Variants in RPS6KA3 observed in about 807,000 individuals in gnomAD.
RPS6KA3 encodes ribosomal protein S6 kinase A3, also known as ribosomal protein S6 kinase alpha-3.
In RPS6KA3, 4 loss-of-function variants were observed where a neutral mutation model predicts 67.2. That is an observed-to-expected ratio of 0.06 (90% CI 0.03 to 0.14). RPS6KA3 has a LOEUF of 0.14. Ranked by LOEUF, RPS6KA3 falls within the 10% of genes least tolerant of loss-of-function variation. The pLI is 1.00. For missense variants in RPS6KA3, 204 were observed against 559.0 expected, an observed-to-expected ratio of 0.36 and a Z score of 6.40; for synonymous variants, 182 against 183.7, an observed-to-expected ratio of 0.99 and a Z score of 0.07.
At position 20,175,202 on chromosome X, in the gene RPS6KA3, G is replaced by C. The variant is rs766835360; in HGVS notation, c.1189C>G (p.Gln397Glu). The C allele has an allele frequency of 1.7e-6, 2 of 1,206,833 alleles. No individual in the cohort carries two copies. The highest frequency in any genetic ancestry group is 3.5e-5 in the South Asian group (2 of 56,897). The change falls in exon 14 of 22, where the codon CAA (glutamine) becomes GAA (glutamate). Residue 397 changes from glutamine (Q) to glutamate (E), a missense_variant. Physicochemically the swap from Gln to Glu is conservative, Grantham distance 29. This residue lies in a region of RPS6KA3 where 24 missense variants were observed against 25.1 expected (regional missense o/e 0.96). Transcript: ENST00000379565. ...FVAITSDDES[Q>E]AMQTVGVHSI... ...TGTACACCAACTGTCTGCATAGCTTGGCTTTCATCATCTGAGGTAATAGCA... is the reference window on the plus strand; with the variant it reads ...TGTACACCAACTGTCTGCATAGCTTCGCTTTCATCATCTGAGGTAATAGCA...
At chrX:20,179,091 G>A (rs144712045) in intron 10 of RPS6KA3, among the ~76,000 whole-genome samples, 112 of 111,571 alleles carry the variant, frequency 1.0e-3, no homozygotes, top group African/African-American at 3.6e-3. Context: ...GGCTGGAACA[G>A]TGAAATAATT....
At chrX:20,194,091 C>T in intron 6 of RPS6KA3, 98 bp downstream of exon 6, 2 of 545,568 alleles carry the variant, frequency 3.7e-6, no homozygotes. Context: ...TCTTGTGCCA[C>T]TAGAGAAAAT....
chrX:20,170,680 C>T (rs756873304), intron 15 of RPS6KA3, among the ~76,000 whole-genome samples: 12 of 109,215 alleles, frequency 1.1e-4, no homozygotes, highest in Non-Finnish European at 1.5e-4. Context: ...GGCGCAATCA[C>T]GGCTCACTGC....
intron 1 of RPS6KA3, among the ~76,000 whole-genome samples, chrX:20,255,371 TG>T (rs57288651): frequency 0.32 from 35,653 of 110,511 alleles, 6,881 homozygotes; most frequent in African/African-American, 0.73. Context: ...AATTTCTTTT[TG>T]GGGGTGATGA....
At chrX:20,193,015 C>A in intron 7 of RPS6KA3, among the ~76,000 whole-genome samples, 1 of 112,269 alleles carries the variant, frequency 8.9e-6, no homozygotes, top group South Asian at 3.7e-4. Context: ...TGGTGGCTCA[C>A]GCCTGTAATC....
At position 20,199,478 on chromosome X, in the gene RPS6KA3, T is replaced by C. The variant is rs1247868663; in HGVS notation, c.326-4333A>G. ...AAAGGTCAATAGAAGAGTTGGAAGA[T>C]GGTTGAAGAAATTTCACAGAAAATA... On this transcript the variant is annotated intron_variant, in intron 4 of 21. Coordinates refer to ENST00000379565, the MANE Select transcript of RPS6KA3 (RefSeq NM_004586.3). Among the ~76,000 whole-genome samples, 44 of 111,517 alleles carry C rather than the reference T, an allele frequency of 3.9e-4. No individual in the cohort carries two copies. In the Admixed American group the frequency reaches 4.1e-3, roughly 10 times the overall value.
At chrX:20,176,923 A>G (rs1569205548) in intron 11 of RPS6KA3, 73 bp downstream of exon 11, 1 of 792,334 alleles carries the variant, frequency 1.3e-6, no homozygotes, top group East Asian at 3.2e-5. Flanking sequence ...CCACCACAAA[A>G]CAAATATCTA....
At chrX:20,264,678 G>A (rs1452925921) in intron 1 of RPS6KA3, among the ~76,000 whole-genome samples, 4 of 111,667 alleles carry the variant, frequency 3.6e-5, no homozygotes, top group African/African-American at 6.5e-5. Flanking sequence ...TTATCCAAAT[G>A]CATTCCAGAT....
intron 1 of RPS6KA3, among the ~76,000 whole-genome samples, chrX:20,255,789 CAAAAAAAAAAAAAAA>C (rs766544803): frequency 3.0e-3 from 52 of 17,154 alleles, no homozygotes; most frequent in Middle Eastern, 0.077. Flanking sequence ...AATTTCGTCT[CAAAAAAAAAAAAAAA>C]AAAAAAAAAA....
intron 19 of RPS6KA3, among the ~76,000 whole-genome samples, chrX:20,162,286 A>G (rs750726287): frequency 1.9e-5 from 2 of 105,227 alleles, no homozygotes; most frequent in Non-Finnish European, 3.9e-5. Flanking sequence ...CAGTGAGCCG[A>G]GATCGTGCTA....
At chrX:20,231,071 G>C (rs984637879) in intron 2 of RPS6KA3, among the ~76,000 whole-genome samples, 1 of 110,229 alleles carries the variant, frequency 9.1e-6, no homozygotes, top group Non-Finnish European at 1.9e-5. Context: ...GTGATTCTCT[G>C]CTTCAGCCTC....
chrX:20,214,824 C>T lies in RPS6KA3; in HGVS notation c.127-5420G>A, dbSNP rs763944849. On this transcript the variant is annotated intron_variant, in intron 2 of 21. Transcript: ENST00000379565. ...TTTTTTCTCCTATTTTCTGTTTCCA[C>T]TTTTTTTTCTTTTTTTCTTTTTTTT... Among the ~76,000 whole-genome samples the T allele has an allele frequency of 4.8e-5, 5 of 105,133 alleles. 1 individual carries two copies. In the Admixed American group the frequency reaches 5.1e-4, roughly 11 times the overall value. 91.3% of individuals were successfully genotyped at this position (105,133 alleles called of 115,157 possible).
intron 2 of RPS6KA3, among the ~76,000 whole-genome samples, chrX:20,219,661 A>T (rs12833686): frequency 1.8e-5 from 2 of 111,674 alleles, no homozygotes; most frequent in Non-Finnish European, 3.8e-5. Flanking sequence ...GCCATGTTGG[A>T]AAAGAAGGAG....
At chrX:20,249,609 G>A (rs747607810) in intron 1 of RPS6KA3, among the ~76,000 whole-genome samples, 1 of 111,760 alleles carries the variant, frequency 8.9e-6, no homozygotes, top group Non-Finnish European at 1.9e-5. Flanking sequence ...TGAAGTGTCT[G>A]TTCACTTCTT....
chrX:20,252,642 C>T (rs2069910415), intron 1 of RPS6KA3, among the ~76,000 whole-genome samples: 2 of 111,189 alleles, frequency 1.8e-5, no homozygotes, highest in African/African-American at 6.6e-5. Flanking sequence ...AGCTCACCTC[C>T]CTGCTGGGCC....
chrX:20,208,942 G>A, intron 3 of RPS6KA3, among the ~76,000 whole-genome samples: 1 of 110,997 alleles, frequency 9.0e-6, no homozygotes, highest in Non-Finnish European at 1.9e-5. Flanking sequence ...GAGATGCGCT[G>A]TATTGCAAGA....
intron 2 of RPS6KA3, among the ~76,000 whole-genome samples, chrX:20,231,861 A>C (rs1410133484): frequency 2.7e-5 from 3 of 111,512 alleles, no homozygotes; most frequent in Admixed American, 9.5e-5. Context: ...GATTGCTGGC[A>C]AACACCAGAA....
intron 2 of RPS6KA3, among the ~76,000 whole-genome samples, chrX:20,221,033 C>G (rs1186587447): frequency 8.9e-6 from 1 of 112,230 alleles, no homozygotes; most frequent in Non-Finnish European, 1.9e-5. Context: ...TACAACTCAT[C>G]AATGAGCAAT....
intron 20 of RPS6KA3, 142 bp from the exon 21 acceptor site, chrX:20,156,391 G>A: frequency 1.6e-6 from 1 of 642,185 alleles, no homozygotes. Flanking sequence ...TGGTAATTTG[G>A]GGGAAAAAAA....
Sources: allele counts gnomAD v4.1 joint callset (sites outside exome capture counted in the v4.1 genomes callset), GRCh38; gene constraint gnomAD v4.1.1; regional missense constraint gnomAD v4.1.1; transcripts MANE v1.5; gene names NCBI Gene and HGNC (gene_info 2026-07-23, HGNC 2026-07-21).